DTNB: variants seen among roughly 807,000 people sequenced by gnomAD.
DTNB encodes DTN-B.
Under a neutral mutation model 90.7 loss-of-function variants are expected in DTNB, and 63 were observed. That is an observed-to-expected ratio of 0.69 (90% CI 0.57 to 0.86). The LOEUF (loss-of-function observed/expected upper bound fraction) is 0.86, where lower values mean the gene tolerates loss of function less well. Ranked by LOEUF, DTNB falls within the 40% of genes least tolerant of loss-of-function variation. DTNB has a pLI of 0.00. For synonymous variants in DTNB, 277 were observed against 286.7 expected, an observed-to-expected ratio of 0.97 and a Z score of 0.34; for missense variants, 744 against 807.1, an observed-to-expected ratio of 0.92 and a Z score of 0.95.
At chr2:25,379,403 C>G in intron 19 of DTNB, 80 bp from the exon 20 acceptor site, 1 of 1,276,264 alleles carries the variant, frequency 7.8e-7, no homozygotes, top group African/African-American at 1.5e-5. Flanking sequence ...AAAGGGGCTT[C>G]CCTGACCAAC....
intron 11 of DTNB, among the ~76,000 whole-genome samples, chr2:25,453,971 C>A (rs1007375941): frequency 6.6e-5 from 10 of 152,106 alleles, no homozygotes; most frequent in African/African-American, 2.2e-4. Context: ...CACAGTGAGA[C>A]CCCGTCTCTA....
intron 8 of DTNB, chr2:25,558,070 G>C (rs774177357): frequency 1.6e-5 from 6 of 374,948 alleles, no homozygotes; most frequent in Non-Finnish European, 2.2e-5. Flanking sequence ...GTGTGCAAGA[G>C]AATGCCGGGG....
chr2:25,550,902 G>A (rs1196670674), intron 8 of DTNB, among the ~76,000 whole-genome samples: 4 of 152,084 alleles, frequency 2.6e-5, no homozygotes, highest in East Asian at 1.9e-4. Context: ...TGCCCACCTC[G>A]GCCTCCCAAA....
At chr2:25,452,155 T>C (rs1480537384) in intron 11 of DTNB, among the ~76,000 whole-genome samples, 1 of 152,222 alleles carries the variant, frequency 6.6e-6, no homozygotes, top group Non-Finnish European at 1.5e-5. Flanking sequence ...CCCCTTTCTC[T>C]TCCTTTACTA....
chr2:25,610,683 T>C (rs1422799920), intron 4 of DTNB, among the ~76,000 whole-genome samples: 1 of 150,844 alleles, frequency 6.6e-6, no homozygotes, highest in African/African-American at 2.4e-5. Flanking sequence ...ACCTCTTTCC[T>C]AAACCCACTT....
intron 9 of DTNB, among the ~76,000 whole-genome samples, chr2:25,514,911 G>A (rs2074757353): frequency 1.3e-5 from 2 of 152,054 alleles, no homozygotes; most frequent in African/African-American, 2.4e-5. Flanking sequence ...TCCAACTCCT[G>A]ACCTAAACTG....
intron 9 of DTNB, among the ~76,000 whole-genome samples, chr2:25,513,440 A>G (rs947241780): frequency 2.0e-5 from 3 of 152,132 alleles, no homozygotes; most frequent in African/African-American, 4.8e-5. Flanking sequence ...CACAGGAAAT[A>G]GGTCGGGCTT....
At chr2:25,379,221 G>A in intron 20 of DTNB, 69 bp downstream of exon 20, 1 of 1,282,402 alleles carries the variant, frequency 7.8e-7, no homozygotes, top group East Asian at 3.1e-5. Flanking sequence ...CTGCAGGAAG[G>A]GAGGGGAAGG....
intron 9 of DTNB, among the ~76,000 whole-genome samples, chr2:25,491,780 T>C (rs780319784): frequency 3.3e-5 from 5 of 151,924 alleles, no homozygotes; most frequent in Non-Finnish European, 7.4e-5. Flanking sequence ...TTACTAATAA[T>C]AGCAATATTT....
Position 25,538,319 on chromosome 2 carries a change from C to T in DTNB, c.877-6722G>A, listed in dbSNP as rs190176766. ...ACTCAGGAGGCTGAGGTGAGAGGAT[C>T]GCTTGAGTCCAGGAGTTTGAGGTTG... On this transcript the variant is annotated intron_variant, in intron 8 of 20. Coordinates refer to ENST00000406818, the MANE Select transcript of DTNB (RefSeq NM_021907.5). Among the ~76,000 whole-genome samples the T allele has an allele frequency of 1.1e-4, 17 of 152,276 alleles. No individual in the cohort carries two copies. The East Asian group carries it at 2.3e-3, about 21-fold the overall frequency.
rs753751618 is a variant in DTNB at position 25,387,253 on chromosome 2, G to T, written c.1825+36C>A. 1 of 1,593,762 alleles carries T rather than the reference G, an allele frequency of 6.3e-7. No individual in the cohort carries two copies. The highest frequency in any genetic ancestry group is 1.3e-5 in the African/African-American group (1 of 74,572). ...TGAGAAGGGCGCGGGCAAGGCAGGGGAGGCCAGGAAGCTGGCTGGGAGCTC... is the reference window on the plus strand; with the variant it reads ...TGAGAAGGGCGCGGGCAAGGCAGGGTAGGCCAGGAAGCTGGCTGGGAGCTC... On this transcript the variant is annotated intron_variant, in intron 18 of 20. Transcript: ENST00000406818. The surrounding 1 kb of genome is among the most constrained non-coding windows in gnomAD (Gnocchi z 4.5).
At chr2:25,494,661 T>G (rs935080984) in intron 9 of DTNB, among the ~76,000 whole-genome samples, 5 of 152,202 alleles carry the variant, frequency 3.3e-5, no homozygotes, top group African/African-American at 1.2e-4. Context: ...GCTTTACACA[T>G]GGCCCACAGC....
chr2:25,599,275 A>T (rs2065300715), intron 5 of DTNB, among the ~76,000 whole-genome samples: 2 of 151,702 alleles, frequency 1.3e-5, no homozygotes, highest in Non-Finnish European at 2.9e-5. Context: ...ACAAATCCTG[A>T]TTGACATAAG....
intron 8 of DTNB, among the ~76,000 whole-genome samples, chr2:25,549,246 T>C (rs2083094986): frequency 1.3e-5 from 2 of 151,872 alleles, no homozygotes; most frequent in African/African-American, 4.8e-5. Flanking sequence ...AATATACATA[T>C]ATCAATATAT....
intron 16 of DTNB, among the ~76,000 whole-genome samples, chr2:25,407,680 C>T (rs1320708446): frequency 2.0e-5 from 3 of 152,132 alleles, no homozygotes; most frequent in Non-Finnish European, 4.4e-5. Context: ...AATAGAAAAC[C>T]AAATGCTGTG....
chr2:25,393,068 G>T (rs2041577114), intron 16 of DTNB, among the ~76,000 whole-genome samples: 1 of 152,182 alleles, frequency 6.6e-6, no homozygotes, highest in Non-Finnish European at 1.5e-5. Context: ...CAGGGACACA[G>T]GGATGGTTTA....
At chr2:25,427,281 A>G (rs887708711) in intron 15 of DTNB, among the ~76,000 whole-genome samples, 4 of 152,174 alleles carry the variant, frequency 2.6e-5, no homozygotes, top group Non-Finnish European at 5.9e-5. Flanking sequence ...TCCTATTTAT[A>G]AACATTCTTA....
chr2:25,489,091 G>C (rs1182804973), intron 9 of DTNB, among the ~76,000 whole-genome samples: 1 of 152,222 alleles, frequency 6.6e-6, no homozygotes, highest in Non-Finnish European at 1.5e-5. Flanking sequence ...AGCACAAATT[G>C]AGCTTACTGG....
At chr2:25,561,900 A>G (rs2058325952) in intron 8 of DTNB, among the ~76,000 whole-genome samples, 1 of 152,230 alleles carries the variant, frequency 6.6e-6, no homozygotes, top group African/African-American at 2.4e-5. Context: ...GCAAAAAAAG[A>G]ATACATTGAG....
Sources: gnomAD v4.1 joint callset for allele counts (sites outside exome capture counted in the v4.1 genomes callset) on GRCh38, gnomAD v4.1.1 for gene constraint, Gnocchi (gnomAD v3.1) non-coding constraint, MANE v1.5 for transcripts, NCBI Gene and HGNC (gene_info 2026-07-23, HGNC 2026-07-21) for gene names.